Variants in NRXN3 observed in about 807,000 individuals in gnomAD.
NRXN3 encodes the protein neurexin III.
NRXN3 carries 32 observed loss-of-function variants against 137.6 expected under a neutral mutation model. The ratio of observed to expected loss-of-function variants is 0.23; its 90% confidence interval spans 0.18 to 0.31. The LOEUF is 0.31. Ranked by LOEUF, NRXN3 falls within the 10% of genes least tolerant of loss-of-function variation. The pLI, the probability that NRXN3 is intolerant of heterozygous loss-of-function variation, is 1.00. For synonymous variants in NRXN3, 798 were observed against 784.5 expected, an observed-to-expected ratio of 1.02 and a Z score of -0.29; for missense variants, 1,574 against 2,062.5, an observed-to-expected ratio of 0.76 and a Z score of 4.59.
At chr14:79,467,434 A>C (rs764892931) in intron 16 of NRXN3, 32 bp downstream of exon 16, 2 of 1,546,828 alleles carry the variant, frequency 1.3e-6, no homozygotes, top group Admixed American at 3.6e-5. Context: ...GGATTTTCTT[A>C]TGTTACTGGT....
chr14:79,808,255 AATATAT>A (rs1162311378), intron 20 of NRXN3, among the ~76,000 whole-genome samples: 2 of 123,982 alleles, frequency 1.6e-5, no homozygotes, highest in South Asian at 2.7e-4. Context: ...AAAAAAAAAA[AATATAT>A]ATATATATAT....
rs144340753 is a variant in NRXN3 at position 78,701,672 on chromosome 14, G to A, written c.1222-7545G>A. ...CTGGTGAAATCTAGCTTTCAGATAC[G>A]CTTTGTTTGACCCATAGAGTGTTGG... On this transcript the variant is annotated intron_variant, in intron 6 of 20. Coordinates refer to ENST00000335750, the MANE Select transcript of NRXN3 (RefSeq NM_001330195.2). Among the ~76,000 whole-genome samples, 102 of 152,266 alleles carry A rather than the reference G, an allele frequency of 6.7e-4. 1 individual carries two copies. The highest frequency in any genetic ancestry group is 2.3e-3 in the African/African-American group (94 of 41,546).
chr14:78,681,792 T>C (rs888169667), intron 6 of NRXN3, among the ~76,000 whole-genome samples: 2 of 152,282 alleles, frequency 1.3e-5, no homozygotes, highest in Admixed American at 6.5e-5. Flanking sequence ...GAGAAGCCAC[T>C]CTGGGGAAAA....
chr14:79,338,039 G>A (rs1566841271), intron 15 of NRXN3, among the ~76,000 whole-genome samples: 1 of 151,942 alleles, frequency 6.6e-6, no homozygotes, highest in Non-Finnish European at 1.5e-5. Flanking sequence ...TTACTTCCTT[G>A]GTTCTCCATG....
At chr14:79,447,604 A>G (rs1600439481) in intron 15 of NRXN3, among the ~76,000 whole-genome samples, 3 of 152,348 alleles carry the variant, frequency 2.0e-5, no homozygotes, top group East Asian at 3.9e-4. Flanking sequence ...AACATCCTTG[A>G]ACAGTGACCA....
chr14:79,861,203 T>C lies in NRXN3; in HGVS notation c.4094-139T>C. ...CATGACCTCTGAGGCGGGGTTACCT[T>C]GCTTGTCGGACCAAGGCAGCGATGG... On this transcript the variant is annotated intron_variant, in intron 20 of 20. Transcript: ENST00000335750. This position sits in a 1 kb window ranked among gnomAD's most constrained non-coding sequence, Gnocchi z 5.4. 6.5e-7 allele frequency: 1 copy of C among 1,533,538 alleles called. No individual in the cohort carries two copies. Among genetic ancestry groups the C allele is most frequent in the Non-Finnish European group, 8.7e-7 (1 of 1,145,578 alleles). The allele number at this position is 1,533,538 out of a possible 1,614,324, so 95.0% of individuals were successfully genotyped here. A position where few individuals can be genotyped will look rare whatever the true frequency, so the allele number is the denominator to read the frequency against.
At chr14:78,549,139 G>A (rs2096663224) in intron 4 of NRXN3, among the ~76,000 whole-genome samples, 1 of 152,146 alleles carries the variant, frequency 6.6e-6, no homozygotes, top group East Asian at 1.9e-4. Flanking sequence ...TGCTGTCATA[G>A]ATTTTATTTT....
chr14:79,362,119 C>T (rs986504548), intron 15 of NRXN3, among the ~76,000 whole-genome samples: 13 of 149,738 alleles, frequency 8.7e-5, no homozygotes, highest in African/African-American at 2.9e-4. Flanking sequence ...GCCACCATGC[C>T]CAGCTAATTT....
intron 4 of NRXN3, among the ~76,000 whole-genome samples, chr14:78,535,719 T>C (rs1237317943): frequency 6.6e-6 from 1 of 152,226 alleles, no homozygotes; most frequent in Non-Finnish European, 1.5e-5. Flanking sequence ...ACTGTCTGTA[T>C]TGTGTTGGGT....
intron 2 of NRXN3, among the ~76,000 whole-genome samples, chr14:78,254,628 A>G (rs1164276057): frequency 2.0e-5 from 3 of 151,430 alleles, no homozygotes; most frequent in African/African-American, 4.9e-5. Context: ...CAGTGAGCCG[A>G]GATCACGCCA....
intron 16 of NRXN3, among the ~76,000 whole-genome samples, chr14:79,471,373 T>C (rs918886241): frequency 6.6e-6 from 1 of 152,210 alleles, no homozygotes; most frequent in Admixed American, 6.5e-5. Flanking sequence ...CATGTGCCGA[T>C]GTGAGGTTTT....
intron 10 of NRXN3, among the ~76,000 whole-genome samples, chr14:78,934,781 A>G (rs1348844372): frequency 6.6e-6 from 1 of 150,838 alleles, no homozygotes; most frequent in East Asian, 2.0e-4. Flanking sequence ...GGACACAGGA[A>G]GGGGAACATC....
At chr14:79,129,456 A>G (rs2057094056) in intron 15 of NRXN3, among the ~76,000 whole-genome samples, 1 of 150,646 alleles carries the variant, frequency 6.6e-6, no homozygotes, top group African/African-American at 2.5e-5. Flanking sequence ...ATTCAGGAGC[A>G]GATTGTTCAG....
At chr14:79,726,389 C>T (rs77714358) in intron 19 of NRXN3, among the ~76,000 whole-genome samples, 1,859 of 152,230 alleles carry the variant, frequency 0.012, 23 homozygotes, top group Non-Finnish European at 0.018. Context: ...TACCTAACTG[C>T]ATTCTGTTAT....
chr14:78,192,164 A>G (rs773553436), intron 1 of NRXN3, among the ~76,000 whole-genome samples: 67 of 151,850 alleles, frequency 4.4e-4, no homozygotes, highest in Non-Finnish European at 7.5e-4. Context: ...TGTTGTCAGG[A>G]TATTGTTACA....
intron 15 of NRXN3, among the ~76,000 whole-genome samples, chr14:79,305,162 C>T (rs190029542): frequency 2.0e-3 from 305 of 152,044 alleles, no homozygotes; most frequent in African/African-American, 7.1e-3. Flanking sequence ...TTTATGTAGT[C>T]TGTGATGATT....
At chr14:78,989,047 G>A (rs1282576680) in intron 15 of NRXN3, among the ~76,000 whole-genome samples, 1 of 152,252 alleles carries the variant, frequency 6.6e-6, no homozygotes, top group Non-Finnish European at 1.5e-5. Flanking sequence ...GTAAAGATGA[G>A]CACACACTTG....
chr14:79,375,237 T>G (rs1390498337), intron 15 of NRXN3, among the ~76,000 whole-genome samples: 4 of 132,330 alleles, frequency 3.0e-5, no homozygotes, highest in African/African-American at 1.3e-4. Flanking sequence ...GTTTTTGTGT[T>G]TTTTTTTTTT....
intron 15 of NRXN3, among the ~76,000 whole-genome samples, chr14:79,254,188 T>G (rs1409407947): frequency 1.3e-5 from 2 of 152,174 alleles, no homozygotes; most frequent in South Asian, 4.1e-4. Context: ...CCCCTCTGCC[T>G]TTCTCAGAGA....
Sources: allele counts gnomAD v4.1 joint callset (sites outside exome capture counted in the v4.1 genomes callset), GRCh38; gene constraint gnomAD v4.1.1; non-coding constraint Gnocchi (gnomAD v3.1); transcripts MANE v1.5; gene names NCBI Gene and HGNC (gene_info 2026-07-23, HGNC 2026-07-21).